Variants in PREX1 observed in about 807,000 individuals in gnomAD.
PREX1 encodes the protein phosphatidylinositol-3,4,5-trisphosphate dependent Rac exchange factor 1.
PREX1 carries 41 observed loss-of-function variants against 198.3 expected under a neutral mutation model. The ratio of observed to expected loss-of-function variants is 0.21; its 90% CI spans 0.16 to 0.27. PREX1 has a LOEUF of 0.27. Among genes scored for constraint, PREX1 ranks in the 10% least tolerant of loss-of-function variants. The pLI, the probability that PREX1 is intolerant of heterozygous loss-of-function variation, is 1.00. For missense variants in PREX1, 1,620 were observed against 2,200.7 expected (o/e 0.74, Z 5.28); for synonymous variants, 843 against 887.2 (o/e 0.95, Z 0.89).
chr20:48,676,938 GC>G (rs2089713752), intron 13 of PREX1, among the ~76,000 whole-genome samples: 1 of 152,212 alleles, frequency 6.6e-6, no homozygotes, highest in African/African-American at 2.4e-5. Context: ...TGAGGTAACT[GC>G]CCTGGCCTGT....
rs559008214 is a variant in PREX1, at chr20:48,660,646, T to C, written c.1739-585A>G. On this transcript the variant is annotated intron_variant, in intron 15 of 39. Coordinates refer to ENST00000371941, the MANE Select transcript of PREX1 (RefSeq NM_020820.4). ...GTCTGTGTATAAGACCCTCTTGTAC[T>C]AGACTAAAATTAAGGACCTCCATTC... 3.9e-4 allele frequency among the ~76,000 whole-genome samples: 59 copies of C among 152,314 alleles called. 1 individual carries two copies. Among genetic ancestry groups the C allele is most frequent in the African/African-American group, 1.4e-3 (58 of 41,546 alleles).
chr20:48,699,203 G>A (rs2089862459), intron 7 of PREX1, among the ~76,000 whole-genome samples: 1 of 152,160 alleles, frequency 6.6e-6, no homozygotes, highest in Non-Finnish European at 1.5e-5. Context: ...CAGTGGCATG[G>A]CCTAGGACAC....
chr20:48,791,228 CCT>C (rs890086669), intron 1 of PREX1, among the ~76,000 whole-genome samples: 4 of 152,174 alleles, frequency 2.6e-5, no homozygotes, highest in African/African-American at 9.7e-5. Context: ...TAAATCGTTA[CCT>C]TCGCGCTGCT....
chr20:48,647,977 C>T (rs1204856164), intron 25 of PREX1, among the ~76,000 whole-genome samples: 3 of 152,196 alleles, frequency 2.0e-5, no homozygotes, highest in African/African-American at 7.2e-5. Context: ...GCAATCATGG[C>T]TTACTGCAGC....
chr20:48,747,003 CACACA>C (rs2090111652), intron 2 of PREX1, among the ~76,000 whole-genome samples: 2 of 118,302 alleles, frequency 1.7e-5, no homozygotes, highest in East Asian at 4.9e-4. Context: ...CACACACACA[CACACA>C]CACCCCACCC....
chr20:48,691,014 C>A lies in PREX1; in HGVS notation c.1119G>T (p.Met373Ile). Residue 373 changes from methionine (M) to isoleucine (I), a missense_variant, in exon 9 of 40, where the codon ATG becomes ATT. Coordinates refer to ENST00000371941, the MANE Select transcript of PREX1 (RefSeq NM_020820.4). The surrounding 1 kb of genome is among the most constrained non-coding windows in gnomAD (Gnocchi z 5.0). Reference sequence around the variant, plus strand: ...TCTGCTTCTCCTCTGCCGTCTTGGCCATGCAGACAAACCACTTATTCTTGG... The same window carrying A: ...TCTGCTTCTCCTCTGCCGTCTTGGCAATGCAGACAAACCACTTATTCTTGG... ...NTAKNKWFVC[M>I]AKTAEEKQKW... is the part of the protein sequence containing the mutation. The A allele has an allele frequency of 2.5e-6, 4 of 1,614,278 alleles. No individual in the cohort carries two copies. The highest frequency in any genetic ancestry group is 3.4e-6 in the Non-Finnish European group (4 of 1,180,056).
the PREX1 span, among the ~76,000 whole-genome samples, chr20:48,838,181 C>A: frequency 6.6e-6 from 1 of 152,146 alleles, no homozygotes; most frequent in Admixed American, 6.5e-5. Flanking sequence ...TTAAGCGGGG[C>A]TGGAAACGTT....
the PREX1 span, among the ~76,000 whole-genome samples, chr20:48,881,154 G>A: frequency 1.5e-4 from 23 of 152,094 alleles, no homozygotes; most frequent in African/African-American, 3.6e-4. Flanking sequence ...AATATTCAGC[G>A]TGGGGGAGTG....
At chr20:48,739,959 G>A (rs1241031735) in intron 3 of PREX1, among the ~76,000 whole-genome samples, 2 of 152,172 alleles carry the variant, frequency 1.3e-5, no homozygotes, top group Non-Finnish European at 2.9e-5. Flanking sequence ...CCAGCACAAA[G>A]AAAATGTCCA....
rs1413855338 is a variant in PREX1, at chr20:48,688,811, A to G, written c.1187-7T>C. The G allele has an allele frequency of 1.1e-5, 17 of 1,613,662 alleles. No homozygotes were observed. Among genetic ancestry groups the G allele is most frequent in the African/African-American group, 2.7e-5 (2 of 74,896 alleles). On this transcript the variant is annotated splice_region_variant and splice_polypyrimidine_tract_variant and intron_variant, in intron 9 of 39. Coordinates refer to ENST00000371941, the MANE Select transcript of PREX1 (RefSeq NM_020820.4). Reference sequence around the variant, plus strand: ...TCCATGCCCAGCTTCAGGCCTACACAGGGGCACGGTCAGCACTGGAGAGAG... The same window carrying G: ...TCCATGCCCAGCTTCAGGCCTACACGGGGGCACGGTCAGCACTGGAGAGAG...
chr20:48,788,324 C>G (rs1198734298), intron 1 of PREX1, among the ~76,000 whole-genome samples: 1 of 152,154 alleles, frequency 6.6e-6, no homozygotes, highest in Non-Finnish European at 1.5e-5. Context: ...TCAGAAATCT[C>G]AGTAGCAGAA....
chr20:48,755,514 G>A (rs1262308157), intron 1 of PREX1, among the ~76,000 whole-genome samples: 1 of 152,200 alleles, frequency 6.6e-6, no homozygotes, highest in East Asian at 1.9e-4. Flanking sequence ...GTGGGTTGGG[G>A]GAGGAATGGG....
At chr20:48,738,721 G>C (rs1413387480) in intron 3 of PREX1, among the ~76,000 whole-genome samples, 1 of 152,134 alleles carries the variant, frequency 6.6e-6, no homozygotes, top group East Asian at 1.9e-4. Flanking sequence ...AACAGCCAGG[G>C]GAGGGGAGCT....
chr20:48,720,233 G>A (rs1346802196), intron 5 of PREX1, among the ~76,000 whole-genome samples: 6 of 152,208 alleles, frequency 3.9e-5, no homozygotes, highest in African/African-American at 1.4e-4. Context: ...AGTGACTCCT[G>A]GTCCTTACTG....
chr20:48,641,483 T>C (rs1402158877), intron 29 of PREX1, among the ~76,000 whole-genome samples: 1 of 152,050 alleles, frequency 6.6e-6, no homozygotes, highest in African/African-American at 2.4e-5. Context: ...AAAATGAGTA[T>C]GGTTTAAAAG....
At chr20:48,765,033 A>C in intron 1 of PREX1, among the ~76,000 whole-genome samples, 1 of 152,154 alleles carries the variant, frequency 6.6e-6, no homozygotes, top group Non-Finnish European at 1.5e-5. Context: ...CCTGACCTCC[A>C]GAAGTGTAAG....
intron 1 of PREX1, among the ~76,000 whole-genome samples, chr20:48,749,784 T>C (rs1054493331): frequency 2.0e-5 from 3 of 152,212 alleles, no homozygotes; most frequent in Admixed American, 6.5e-5. Context: ...ATGCCTAGTG[T>C]TCCATTACTG....
At chr20:48,849,523 G>A in the PREX1 span, 1 of 152,174 alleles carries the variant, frequency 6.6e-6, no homozygotes, top group Non-Finnish European at 1.5e-5. Flanking sequence ...GATTCCCAGT[G>A]TCCAGCATAG....
chr20:48,788,063 G>A (rs989949328), intron 1 of PREX1, among the ~76,000 whole-genome samples: 13 of 152,164 alleles, frequency 8.5e-5, no homozygotes, highest in Admixed American at 6.5e-4. Context: ...GCCCTAGAGC[G>A]GGGGACCATG....
Sources: allele counts gnomAD v4.1 joint callset (sites outside exome capture counted in the v4.1 genomes callset), GRCh38; gene constraint gnomAD v4.1.1; non-coding constraint Gnocchi (gnomAD v3.1); transcripts MANE v1.5; gene names NCBI Gene and HGNC (gene_info 2026-07-23, HGNC 2026-07-21).